Variants in ATP8B4 observed in about 807,000 individuals in gnomAD.
ATP8B4 encodes the protein ATPase phospholipid transporting 8B4 (putative).
A neutral mutation model predicts 145.6 loss-of-function variants in ATP8B4; 133 were observed. That is an observed-to-expected ratio of 0.91 (90% CI 0.79 to 1.05). The LOEUF (loss-of-function observed/expected upper bound fraction) is 1.05, where lower values mean the gene tolerates loss of function less well. ATP8B4 is among the 50% of genes least tolerant of loss of function. ATP8B4 has a pLI of 0.00. For synonymous variants in ATP8B4, 507 were observed against 492.9 expected, an observed-to-expected ratio of 1.03 and a Z score of -0.38; for missense variants, 1,458 against 1,425.2, an observed-to-expected ratio of 1.02 and a Z score of -0.37.
At position 49,979,679 on chromosome 15, in the gene ATP8B4, G is replaced by T; in HGVS notation, c.972C>A (p.Phe324Leu). 6.2e-7 allele frequency: 1 copy of T among 1,606,114 alleles called. No individual in the cohort carries two copies. The highest frequency in any genetic ancestry group is 8.5e-7 in the Non-Finnish European group (1 of 1,174,382). The change falls in exon 12 of 28, where the codon TTC becomes TTA. Residue 324 changes from phenylalanine to leucine, a missense_variant. Physicochemically the swap from Phe to Leu is conservative, Grantham distance 22. Transcript: ENST00000284509. Reference sequence around the variant, plus strand: ...TAATAATATATGACCAGAATGTTAAGAATCCGGAGAACACAGAGCTCTTCT... The same window carrying T: ...TAATAATATATGACCAGAATGTTAATAATCCGGAGAACACAGAGCTCTTCT... ...EGEKSSVFSG[F>L]LTFWSYIIIL...
At chr15:50,180,263 A>C (rs558107237) in intron 1 of ATP8B4, among the ~76,000 whole-genome samples, 1 of 152,234 alleles carries the variant, frequency 6.6e-6, no homozygotes, top group East Asian at 1.9e-4. Context: ...ATGTACCCCT[A>C]AGGGCTGTTG....
At chr15:50,027,751 C>T (rs1046962059) in intron 6 of ATP8B4, among the ~76,000 whole-genome samples, 1 of 152,182 alleles carries the variant, frequency 6.6e-6, no homozygotes, top group African/African-American at 2.4e-5. Flanking sequence ...CTTTATTGCA[C>T]CATAGACAGT....
chr15:50,002,277 G>C, intron 7 of ATP8B4, 54 bp from the exon 8 acceptor site: 1 of 1,414,722 alleles, frequency 7.1e-7, no homozygotes, highest in Non-Finnish European at 9.9e-7. Flanking sequence ...TTGGTTGAAA[G>C]TCTTCTACAG....
At chr15:49,876,751 T>C in intron 24 of ATP8B4, 3 of 703,066 alleles carry the variant, frequency 4.3e-6, no homozygotes, top group Non-Finnish European at 7.5e-6. Flanking sequence ...GAGAGATTCA[T>C]GAGAGGTCAC....
chr15:50,162,801 C>T (rs1175948414), intron 1 of ATP8B4, among the ~76,000 whole-genome samples: 10 of 152,150 alleles, frequency 6.6e-5, no homozygotes, highest in East Asian at 1.9e-4. Context: ...CCACCGCGCC[C>T]GGCCTCTTTT....
At chr15:49,875,365 A>T (rs1301112431) in intron 25 of ATP8B4, among the ~76,000 whole-genome samples, 1 of 152,190 alleles carries the variant, frequency 6.6e-6, no homozygotes, top group Non-Finnish European at 1.5e-5. Context: ...ATGTCCCTGT[A>T]CACCCCACCA....
intron 2 of ATP8B4, among the ~76,000 whole-genome samples, chr15:50,082,232 G>C (rs972915076): frequency 1.3e-5 from 2 of 152,188 alleles, no homozygotes; most frequent in Non-Finnish European, 2.9e-5. Flanking sequence ...CAGCCTCCAA[G>C]ATTTCCTGAG....
intron 12 of ATP8B4, among the ~76,000 whole-genome samples, chr15:49,973,520 A>G (rs1403132516): frequency 6.6e-6 from 1 of 152,216 alleles, no homozygotes; most frequent in Non-Finnish European, 1.5e-5. Flanking sequence ...ATTTCCATGA[A>G]GCAGAACCAA....
At chr15:50,096,064 G>C in intron 2 of ATP8B4, among the ~76,000 whole-genome samples, 1 of 152,172 alleles carries the variant, frequency 6.6e-6, no homozygotes, top group Non-Finnish European at 1.5e-5. Context: ...GAGATGAACA[G>C]AAACCAAAAT....
chr15:49,864,387 A>C (rs952981078), intron 26 of ATP8B4, among the ~76,000 whole-genome samples: 4 of 152,188 alleles, frequency 2.6e-5, no homozygotes, highest in Admixed American at 6.5e-5. Context: ...TTACTTCCTC[A>C]ATTAGTGGAT....
At chr15:50,025,993 A>G (rs1272733172) in intron 6 of ATP8B4, among the ~76,000 whole-genome samples, 1 of 152,238 alleles carries the variant, frequency 6.6e-6, no homozygotes, top group Non-Finnish European at 1.5e-5. Flanking sequence ...GTCTCCTGAC[A>G]CCTTTTGCTA....
chr15:50,150,528 C>T (rs1411378132), intron 1 of ATP8B4, among the ~76,000 whole-genome samples: 2 of 152,194 alleles, frequency 1.3e-5, no homozygotes, highest in Non-Finnish European at 2.9e-5. Context: ...TCATCTACAC[C>T]CACATTTGGA....
intron 12 of ATP8B4, 36 bp downstream of exon 12, chr15:49,979,581 G>T: frequency 1.5e-6 from 2 of 1,369,774 alleles, no homozygotes; most frequent in Non-Finnish European, 1.9e-6. Flanking sequence ...AGGTTTTGAT[G>T]AAATTATTTC....
At chr15:50,138,363 T>C (rs1026139483) in intron 1 of ATP8B4, among the ~76,000 whole-genome samples, 10 of 97,790 alleles carry the variant, frequency 1.0e-4, no homozygotes, top group African/African-American at 2.7e-4. Flanking sequence ...GATAGATAGA[T>C]AGATAGATAG....
chr15:49,916,292 C>G (rs963402483), intron 20 of ATP8B4, among the ~76,000 whole-genome samples: 4 of 152,088 alleles, frequency 2.6e-5, no homozygotes, highest in Non-Finnish European at 4.4e-5. Context: ...TCCACTGCTA[C>G]CTCCAATTTC....
chr15:50,046,838 A>G lies in ATP8B4; in HGVS notation c.201+513T>C, dbSNP rs74491553. ...AAATTTTAGTTAGGAGAAAAAGCAA[A>G]GGTTACTAAATACCAATTAACCATT... On this transcript the variant is annotated intron_variant, in intron 4 of 27. Coordinates refer to ENST00000284509, the MANE Select transcript of ATP8B4 (RefSeq NM_024837.4). 1.7e-3 allele frequency among the ~76,000 whole-genome samples: 265 copies of G among 152,384 alleles called. 2 individuals carry two copies. In the East Asian group the frequency reaches 0.043, roughly 25 times the overall value.
chr15:50,040,188 G>A, intron 5 of ATP8B4, among the ~76,000 whole-genome samples: 1 of 152,212 alleles, frequency 6.6e-6, no homozygotes, highest in East Asian at 1.9e-4. Flanking sequence ...CCAACAGATA[G>A]TACTGGCAGA....
chr15:49,935,139 G>A (rs2041628700), intron 14 of ATP8B4, among the ~76,000 whole-genome samples: 1 of 152,070 alleles, frequency 6.6e-6, no homozygotes, highest in Admixed American at 6.6e-5. Flanking sequence ...GGAGCCACAT[G>A]TAGGTCCTTT....
At chr15:49,984,587 G>A (rs1247497594) in intron 10 of ATP8B4, among the ~76,000 whole-genome samples, 1 of 152,148 alleles carries the variant, frequency 6.6e-6, no homozygotes, top group Non-Finnish European at 1.5e-5. Context: ...TCTGTTGATA[G>A]ATCTGGCCAG....
Sources: allele counts gnomAD v4.1 joint callset (sites outside exome capture counted in the v4.1 genomes callset), GRCh38; gene constraint gnomAD v4.1.1; transcripts MANE v1.5; gene names NCBI Gene and HGNC (gene_info 2026-07-23, HGNC 2026-07-21).